Variants in PUM1 observed in about 807,000 individuals in gnomAD.
PUM1 encodes the protein pumilio RNA binding family member 1, also known as pumilio homolog 1.
A neutral mutation model predicts 131.8 loss-of-function variants in PUM1; 13 were observed. The ratio of observed to expected loss-of-function variants is 0.10; its 90% CI spans 0.06 to 0.16. The LOEUF is 0.16. Among genes scored for constraint, PUM1 ranks in the 10% least tolerant of loss-of-function variants. The pLI is 1.00. For missense variants in PUM1, 961 were observed against 1,512.4 expected, an observed-to-expected ratio of 0.64 and a Z score of 6.05; for synonymous variants, 509 against 556.5, an observed-to-expected ratio of 0.91 and a Z score of 1.20.
At chr1:31,041,932 A>G (rs1643830649) in intron 2 of PUM1, among the ~76,000 whole-genome samples, 2 of 152,194 alleles carry the variant, frequency 1.3e-5, no homozygotes, top group Admixed American at 1.3e-4. Context: ...TCATGTAAAA[A>G]TATTAGAACA....
chr1:31,038,129 T>A, intron 2 of PUM1, among the ~76,000 whole-genome samples: 1 of 144,434 alleles, frequency 6.9e-6, no homozygotes. Flanking sequence ...TGCTAAAGAA[T>A]AAATAAACAT....
intron 2 of PUM1, among the ~76,000 whole-genome samples, chr1:31,030,025 G>C (rs947437759): frequency 6.6e-6 from 1 of 151,746 alleles, no homozygotes; most frequent in African/African-American, 2.4e-5. Flanking sequence ...AGACCAGCCT[G>C]GCCAACATGG....
intron 2 of PUM1, among the ~76,000 whole-genome samples, chr1:31,033,714 T>C (rs1643515645): frequency 6.6e-6 from 1 of 152,088 alleles, no homozygotes; most frequent in Non-Finnish European, 1.5e-5. Flanking sequence ...TAGGCTGGAA[T>C]GCAGTGGCGC....
chr1:31,023,924 CAAAAAAAAAAA>C lies in PUM1; in HGVS notation c.432+4861_432+4871del, dbSNP rs11373685. Among the ~76,000 whole-genome samples, 12 of 82,138 alleles carry C rather than the reference CAAAAAAAAAAA, an allele frequency of 1.5e-4. No individual in the cohort carries two copies. The East Asian group carries it at 1.7e-3, about 12-fold the overall frequency. The allele number at this position is 82,138 out of a possible 152,430, so 53.9% of individuals were successfully genotyped here. On this transcript the variant is annotated intron_variant, in intron 3 of 21. Transcript: ENST00000426105. Reference sequence around the variant, plus strand: ...CTGGTGACAGAGCGAGACTCTGTCTCAAAAAAAAAAAAAAAAAAACCCCAATGAAAAGTTAC... The same window carrying C: ...CTGGTGACAGAGCGAGACTCTGTCTCAAAAAAAACCCCAATGAAAAGTTAC...
chr1:30,940,248 T>A lies in PUM1; in HGVS notation c.3242+903A>T, dbSNP rs1570083882. Among the ~76,000 whole-genome samples, 3 of 152,092 alleles carry A rather than the reference T, an allele frequency of 2.0e-5. 1 individual carries two copies. Among genetic ancestry groups the A allele is most frequent in the Admixed American group, 2.0e-4 (3 of 15,276 alleles). ...ATCCCAGCACTTTGGGAGGCCTAAG[T>A]GGGAGGATTAAGTCCAGGAGTTCAA... On this transcript the variant is annotated intron_variant, in intron 20 of 21. Transcript: ENST00000426105.
At chr1:30,933,439 TACACACACAC>T (rs58664754) in intron 21 of PUM1, 97 bp from the exon 22 acceptor site, 741 of 363,810 alleles carry the variant, frequency 2.0e-3, no homozygotes, top group East Asian at 0.017. Flanking sequence ...CACACACACA[TACACACACAC>T]ACACACACAC....
intron 3 of PUM1, among the ~76,000 whole-genome samples, chr1:31,011,635 T>C (rs1447014099): frequency 6.6e-6 from 1 of 152,190 alleles, no homozygotes; most frequent in Admixed American, 6.5e-5. Context: ...ATCCACAGCG[T>C]TGGGTAAAAT....
chr1:31,038,984 A>ATATAT, intron 2 of PUM1, among the ~76,000 whole-genome samples: 31 of 49,408 alleles, frequency 6.3e-4, no homozygotes, highest in African/African-American at 2.7e-3. Context: ...ATATATATAT[A>ATATAT]TTTTTTTTTT....
intron 2 of PUM1, chr1:31,050,937 C>T (rs1644093638): frequency 1.3e-5 from 3 of 226,624 alleles, no homozygotes; most frequent in South Asian, 1.2e-4. Flanking sequence ...TCTCTTGTTG[C>T]GTATGCTCAG....
rs1334908561 is a variant in PUM1, at chr1:31,028,788, T to A, written c.432+8A>T. On this transcript the variant is annotated splice_region_variant and intron_variant, in intron 3 of 21. Coordinates refer to ENST00000426105, the MANE Select transcript of PUM1 (RefSeq NM_001020658.2). The stretch of plus-strand genomic sequence containing the variant: ...AGACCCACTTTTCTGACACACCAGT[T>A]CACTTACCTCTCCCATCGCTCTTCC... 2 of 1,611,264 alleles carry A rather than the reference T, an allele frequency of 1.2e-6. No individual in the cohort carries two copies. Among genetic ancestry groups the A allele is most frequent in the Admixed American group, 1.7e-5 (1 of 60,014 alleles).
At chr1:30,941,970 G>A (rs371971296) in intron 19 of PUM1, 28 bp downstream of exon 19, 22 of 1,528,426 alleles carry the variant, frequency 1.4e-5, no homozygotes, top group East Asian at 2.6e-5. Flanking sequence ...ACAGGTGTTC[G>A]CAGTTCCTCT....
At chr1:31,008,719 C>A (rs986164881) in intron 3 of PUM1, among the ~76,000 whole-genome samples, 2 of 152,064 alleles carry the variant, frequency 1.3e-5, no homozygotes, top group Admixed American at 6.5e-5. Context: ...GTGCCTAGCA[C>A]AACAGGTTCT....
At chr1:30,946,772 C>T (rs992449323) in intron 17 of PUM1, among the ~76,000 whole-genome samples, 44 of 151,666 alleles carry the variant, frequency 2.9e-4, no homozygotes, top group East Asian at 7.7e-4. Context: ...AGAATTTCTA[C>T]ATGGCACACA....
At chr1:31,004,838 G>A (rs1642342574) in intron 5 of PUM1, among the ~76,000 whole-genome samples, 1 of 152,182 alleles carries the variant, frequency 6.6e-6, no homozygotes, top group African/African-American at 2.4e-5. Flanking sequence ...AAGAAAGACA[G>A]TTATAATATT....
chr1:31,051,475 G>A (rs377361934), intron 2 of PUM1, among the ~76,000 whole-genome samples: 32 of 152,150 alleles, frequency 2.1e-4, no homozygotes, highest in Middle Eastern at 3.4e-3. Context: ...CACTAATTTT[G>A]TATTTTTTGT....
At chr1:31,051,929 C>A (rs2124589967) in intron 2 of PUM1, among the ~76,000 whole-genome samples, 1 of 152,074 alleles carries the variant, frequency 6.6e-6, no homozygotes, top group Middle Eastern at 3.4e-3. Context: ...AAAGACTTGA[C>A]CTTAGGCTTT....
chr1:30,964,971 G>A (rs1406924183), intron 13 of PUM1, 61 bp from the exon 14 acceptor site: 1 of 1,400,642 alleles, frequency 7.1e-7, no homozygotes, highest in Non-Finnish European at 1.0e-6. Context: ...AACAAGCCCA[G>A]TGACCTGTTC....
chr1:30,998,346 G>C (rs1248240245), intron 5 of PUM1, among the ~76,000 whole-genome samples: 1 of 152,142 alleles, frequency 6.6e-6, no homozygotes, highest in Non-Finnish European at 1.5e-5. Context: ...GTTATTAAGA[G>C]ATAGTATCAG....
chr1:31,061,292 T>G (rs1291816958), intron 1 of PUM1, among the ~76,000 whole-genome samples: 1 of 152,114 alleles, frequency 6.6e-6, no homozygotes, highest in African/African-American at 2.4e-5. Flanking sequence ...GACCCCCATC[T>G]CTATTATTTT....
Sources: allele counts gnomAD v4.1 joint callset (sites outside exome capture counted in the v4.1 genomes callset), GRCh38; gene constraint gnomAD v4.1.1; transcripts MANE v1.5; gene names NCBI Gene and HGNC (gene_info 2026-07-23, HGNC 2026-07-21).